Variants in CDYL2 observed in about 807,000 individuals in gnomAD.
CDYL2 encodes chromodomain Y like 2, also known as chromodomain Y-like protein 2.
In CDYL2, 23 loss-of-function variants were observed where a neutral mutation model predicts 49.4. The observed-to-expected ratio is 0.47, with a 90% CI of 0.34 to 0.66. The LOEUF is 0.66. Among genes scored for constraint, CDYL2 ranks in the 30% least tolerant of loss-of-function variants. CDYL2 has a pLI of 0.01. For missense variants in CDYL2, 678 were observed against 656.4 expected (o/e 1.03, Z -0.36); for synonymous variants, 360 against 268.8 (o/e 1.34, Z -3.32).
intron 2 of CDYL2, among the ~76,000 whole-genome samples, chr16:80,637,635 G>A (rs535128495): frequency 5.9e-5 from 9 of 151,752 alleles, no homozygotes; most frequent in African/African-American, 2.2e-4. Flanking sequence ...TACCAGCAAT[G>A]AGCAACTGGA....
At chr16:80,802,095 T>C (rs1343416600) in intron 1 of CDYL2, among the ~76,000 whole-genome samples, 1 of 152,184 alleles carries the variant, frequency 6.6e-6, no homozygotes, top group African/African-American at 2.4e-5. Flanking sequence ...AAGGCCACCG[T>C]GAAAACTCTC....
At chr16:80,750,161 C>G (rs962611054) in intron 1 of CDYL2, among the ~76,000 whole-genome samples, 2 of 151,826 alleles carry the variant, frequency 1.3e-5, no homozygotes, top group Admixed American at 6.6e-5. Context: ...GTGCAGCACA[C>G]CAACATGGCA....
At chr16:80,714,516 G>C (rs1904730358) in intron 1 of CDYL2, among the ~76,000 whole-genome samples, 3 of 152,204 alleles carry the variant, frequency 2.0e-5, no homozygotes, top group Admixed American at 6.5e-5. Flanking sequence ...TAAATCAAGA[G>C]GCTGCTGCCC....
intron 6 of CDYL2, among the ~76,000 whole-genome samples, chr16:80,606,046 C>T (rs1906317146): frequency 6.6e-6 from 1 of 152,246 alleles, no homozygotes; most frequent in South Asian, 2.1e-4. Flanking sequence ...GCATTCTTCG[C>T]TGGCCTCCAC....
chr16:80,804,841 C>T (rs1217669595), upstream of CDYL2, among the ~76,000 whole-genome samples: 1 of 149,966 alleles, frequency 6.7e-6, no homozygotes, highest in East Asian at 2.1e-4. Flanking sequence ...TAGAGGGCTG[C>T]GGCTGCAGAC....
chr16:80,628,825 T>C (rs1394148845), intron 3 of CDYL2, among the ~76,000 whole-genome samples: 1 of 152,038 alleles, frequency 6.6e-6, no homozygotes, highest in African/African-American at 2.4e-5. Flanking sequence ...CCCCAAGAAG[T>C]TTACAGTCTA....
rs377532688 is a variant in CDYL2, at chr16:80,620,885, G to A, written c.885C>T (p.Ser295=). The A allele has an allele frequency of 3.7e-6, 6 of 1,611,324 alleles. No individual in the cohort carries two copies. The African/African-American group carries it at 8.0e-5, about 22-fold the overall frequency. The change falls in exon 4 of 7, where the codon AGC becomes AGT. Residue 295 remains serine (S), a synonymous_variant. Coordinates refer to ENST00000570137, the MANE Select transcript of CDYL2 (RefSeq NM_152342.4). ...CCACTGCGCTGAGGAGCAGCAGTTT[G>A]CTGTCGTCTGTGGCTGCGTTGCAGA... ...RALCNAATDD[S]KLLLLSAVGS... is the part of the protein sequence containing the mutation.
chr16:80,646,851 G>C (rs1018399913), intron 2 of CDYL2, among the ~76,000 whole-genome samples: 1 of 150,888 alleles, frequency 6.6e-6, no homozygotes, highest in Non-Finnish European at 1.5e-5. Context: ...ATGATCTGCT[G>C]CCTGTAAGAA....
Position 80,612,198 on chromosome 16 carries a change from T to C in CDYL2, c.1218+428A>G, listed in dbSNP as rs1454585679. On this transcript the variant is annotated intron_variant, in intron 5 of 6. Coordinates refer to ENST00000570137, the MANE Select transcript of CDYL2 (RefSeq NM_152342.4). The surrounding 1 kb of genome is among the most constrained non-coding windows in gnomAD (Gnocchi z 5.0). Reference sequence around the variant, plus strand: ...GTGATGCTTCTGGCTCTCTCTTCTCTCCCATTGGCTGGAAGTGAGGGCACA... The same window carrying C: ...GTGATGCTTCTGGCTCTCTCTTCTCCCCCATTGGCTGGAAGTGAGGGCACA... Among the ~76,000 whole-genome samples, 3 of 152,054 alleles carry C rather than the reference T, an allele frequency of 2.0e-5. No individual in the cohort carries two copies. The East Asian group carries it at 5.8e-4, about 29-fold the overall frequency.
intron 2 of CDYL2, among the ~76,000 whole-genome samples, chr16:80,672,408 C>A (rs567412036): frequency 3.4e-4 from 50 of 146,132 alleles, no homozygotes; most frequent in Middle Eastern, 3.7e-3. Flanking sequence ...TGATTAAGAT[C>A]TAATGATACA....
chr16:80,738,604 G>A (rs1000960944), intron 1 of CDYL2: 1 of 152,212 alleles, frequency 6.6e-6, no homozygotes, highest in South Asian at 2.1e-4. Flanking sequence ...CCAGGGCTAA[G>A]GTGGGGACAC....
chr16:80,691,731 G>C (rs1910423469), intron 1 of CDYL2, among the ~76,000 whole-genome samples: 1 of 152,096 alleles, frequency 6.6e-6, no homozygotes, highest in East Asian at 1.9e-4. Context: ...AGTATTTGTG[G>C]TGTGTCTTCC....
intron 2 of CDYL2, among the ~76,000 whole-genome samples, chr16:80,680,731 G>A (rs190409113): frequency 6.6e-6 from 1 of 152,274 alleles, no homozygotes; most frequent in African/African-American, 2.4e-5. Context: ...GAGTAAAGAT[G>A]GATCTACCAA....
At chr16:80,760,281 G>C (rs1011587311) in intron 1 of CDYL2, among the ~76,000 whole-genome samples, 3 of 152,126 alleles carry the variant, frequency 2.0e-5, no homozygotes, top group African/African-American at 7.2e-5. Context: ...ACTGCCTCTG[G>C]CTCATTAAAA....
At chr16:80,770,390 TCTC>T (rs1339385174) in intron 1 of CDYL2, among the ~76,000 whole-genome samples, 4 of 152,056 alleles carry the variant, frequency 2.6e-5, no homozygotes, top group Non-Finnish European at 4.4e-5. Flanking sequence ...GCATCAGACT[TCTC>T]CTCCACACCA....
At chr16:80,718,094 G>A (rs1904873168) in intron 1 of CDYL2, among the ~76,000 whole-genome samples, 1 of 152,186 alleles carries the variant, frequency 6.6e-6, no homozygotes, top group South Asian at 2.1e-4. Flanking sequence ...AGGTTCAGAA[G>A]GGTTAAATCA....
intron 1 of CDYL2, among the ~76,000 whole-genome samples, chr16:80,724,083 AGAG>A (rs1487350429): frequency 2.0e-5 from 3 of 150,362 alleles, no homozygotes; most frequent in Non-Finnish European, 3.0e-5. Context: ...GAGGAGGAAA[AGAG>A]GAGAGGAAGG....
At chr16:80,605,307 T>C (rs915251815) in intron 6 of CDYL2, among the ~76,000 whole-genome samples, 1 of 148,868 alleles carries the variant, frequency 6.7e-6, no homozygotes, top group Non-Finnish European at 1.5e-5. Flanking sequence ...CATATGTATA[T>C]AGGTAAACAC....
chr16:80,758,875 G>A (rs911985201), intron 1 of CDYL2, among the ~76,000 whole-genome samples: 8 of 151,654 alleles, frequency 5.3e-5, no homozygotes, highest in Non-Finnish European at 7.4e-5. Flanking sequence ...CAAAAAATCA[G>A]AAATATTCTA....
Sources: allele counts gnomAD v4.1 joint callset (sites outside exome capture counted in the v4.1 genomes callset), GRCh38; gene constraint gnomAD v4.1.1; non-coding constraint Gnocchi (gnomAD v3.1); transcripts MANE v1.5; gene names NCBI Gene and HGNC (gene_info 2026-07-23, HGNC 2026-07-21).